The following PCDH17 variants were observed in gnomAD, a reference collection of about 807,000 sequenced individuals.
PCDH17 encodes protocadherin-17.
PCDH17 carries 21 observed loss-of-function variants against 67.7 expected under a neutral mutation model. The observed-to-expected ratio is 0.31, with a 90% CI of 0.22 to 0.45. PCDH17 has a LOEUF of 0.45. Ranked by LOEUF, PCDH17 falls within the 20% of genes least tolerant of loss-of-function variation. The pLI, the probability that PCDH17 is intolerant of heterozygous loss-of-function variation, is 1.00. For synonymous variants in PCDH17, 701 were observed against 656.7 expected (o/e 1.07, Z -1.03); for missense variants, 1,471 against 1,564.8 (o/e 0.94, Z 1.01).
chr13:57,697,578 G>T (rs1369660460), intron 3 of PCDH17, among the ~76,000 whole-genome samples: 1 of 150,870 alleles, frequency 6.6e-6, no homozygotes, highest in Non-Finnish European at 1.5e-5. Flanking sequence ...ACTACCAAAA[G>T]TTAAACTGTG....
intron 3 of PCDH17, among the ~76,000 whole-genome samples, chr13:57,679,625 G>T (rs1371689978): frequency 6.6e-6 from 1 of 151,304 alleles, no homozygotes; most frequent in Non-Finnish European, 1.5e-5. Flanking sequence ...TTTCTTTGAG[G>T]ATTTGAAAAT....
At chr13:57,693,777 CTCT>C (rs2138065493) in intron 3 of PCDH17, among the ~76,000 whole-genome samples, 1 of 150,938 alleles carries the variant, frequency 6.6e-6, no homozygotes, top group Non-Finnish European at 1.5e-5. Flanking sequence ...ATTTTATAAT[CTCT>C]TCTTTTCTTT....
rs565744215 is a variant in PCDH17 at position 57,703,967 on chromosome 13, A to G, written c.2798-20645A>G. Among the ~76,000 whole-genome samples, 275 of 152,236 alleles carry G rather than the reference A, an allele frequency of 1.8e-3. 1 individual carries two copies. Among genetic ancestry groups the G allele is most frequent in the African/African-American group, 6.1e-3 (253 of 41,568 alleles). ...CTACCAGTGATGTTTGTTTTCTGTC[A>G]TAATCAGAATGTTGACTTATCCTTT... On this transcript the variant is annotated intron_variant, in intron 3 of 3. Transcript: ENST00000377918.
Position 57,724,651 on chromosome 13 carries a change from T to A in PCDH17, c.2837T>A (p.Val946Glu). 1 of 1,613,960 alleles carries A rather than the reference T, an allele frequency of 6.2e-7. No homozygotes were observed. Among genetic ancestry groups the A allele is most frequent in the Non-Finnish European group, 8.5e-7 (1 of 1,179,920 alleles). The change falls in exon 4 of 4, where the codon GTG becomes GAG. Residue 946 changes from valine (V) to glutamate (E), a missense_variant. Coordinates refer to ENST00000377918, the MANE Select transcript of PCDH17 (RefSeq NM_001040429.3). ...GTTAATTGCACAGATGAATGCCGAG[T>A]GCTTGGTCATTCTGACAGGTGCTGG... ...ECVNCTDECR[V>E]LGHSDRCWMP...
chr13:57,657,725 GACAA>G (rs529194172), intron 1 of PCDH17, among the ~76,000 whole-genome samples: 63 of 152,304 alleles, frequency 4.1e-4, no homozygotes, highest in African/African-American at 1.5e-3. Context: ...TATCAAGGTA[GACAA>G]ACAAACTTCT....
chr13:57,680,319 G>A (rs1200294299), intron 3 of PCDH17, among the ~76,000 whole-genome samples: 1 of 151,532 alleles, frequency 6.6e-6, no homozygotes, highest in Non-Finnish European at 1.5e-5. Flanking sequence ...AGTGAATTGA[G>A]TGTTTAAAGG....
At chr13:57,651,934 A>ATT (rs1955045886) in intron 1 of PCDH17, among the ~76,000 whole-genome samples, 1 of 152,202 alleles carries the variant, frequency 6.6e-6, no homozygotes, top group Non-Finnish European at 1.5e-5. Context: ...TAAAAACAAT[A>ATT]TTTCACTTGG....
chr13:57,710,769 G>A (rs1291720636), intron 3 of PCDH17, among the ~76,000 whole-genome samples: 1 of 151,900 alleles, frequency 6.6e-6, no homozygotes, highest in Non-Finnish European at 1.5e-5. Context: ...GTATATTATA[G>A]TAATCTAAGA....
intron 3 of PCDH17, among the ~76,000 whole-genome samples, chr13:57,708,556 G>A (rs1955742303): frequency 6.6e-6 from 1 of 151,860 alleles, no homozygotes; most frequent in Admixed American, 6.6e-5. Flanking sequence ...TCCATCTGTT[G>A]TGAGGGTATA....
intron 1 of PCDH17, among the ~76,000 whole-genome samples, chr13:57,640,944 C>T (rs896570763): frequency 6.6e-6 from 1 of 151,982 alleles, no homozygotes; most frequent in Admixed American, 6.6e-5. Context: ...CTCAGTGGTA[C>T]TTCTGTTTAA....
chr13:57,666,102 T>C (rs972519758), intron 1 of PCDH17, among the ~76,000 whole-genome samples: 1 of 152,170 alleles, frequency 6.6e-6, no homozygotes, highest in Non-Finnish European at 1.5e-5. Context: ...ATGAGTATTA[T>C]TAAATAATTC....
chr13:57,714,229 C>T (rs1447334364), intron 3 of PCDH17, among the ~76,000 whole-genome samples: 1 of 151,600 alleles, frequency 6.6e-6, no homozygotes, highest in African/African-American at 2.4e-5. Context: ...TTGCTTGTTT[C>T]TAGCAATGGA....
chr13:57,665,730 A>G (rs1049990933), intron 1 of PCDH17, among the ~76,000 whole-genome samples: 6 of 152,252 alleles, frequency 3.9e-5, no homozygotes, highest in Admixed American at 3.3e-4. Flanking sequence ...GCAGACCTCC[A>G]TGTCAGTTTG....
chr13:57,685,025 TA>T (rs1255969850), intron 3 of PCDH17, among the ~76,000 whole-genome samples: 3 of 151,956 alleles, frequency 2.0e-5, no homozygotes, highest in East Asian at 1.9e-4. Context: ...TGAATTACTT[TA>T]AAAAGAAGTC....
intron 3 of PCDH17, among the ~76,000 whole-genome samples, chr13:57,723,756 T>G (rs528525505): frequency 6.6e-6 from 1 of 152,344 alleles, no homozygotes; most frequent in East Asian, 1.9e-4. Flanking sequence ...TTAAGGATTT[T>G]TTTTCATATT....
At chr13:57,675,342 C>T (rs1457779477) in intron 3 of PCDH17, among the ~76,000 whole-genome samples, 1 of 151,880 alleles carries the variant, frequency 6.6e-6, no homozygotes, top group African/African-American at 2.4e-5. Context: ...AACAGGAAAG[C>T]TTTTAACTCA....
intron 3 of PCDH17, among the ~76,000 whole-genome samples, chr13:57,702,021 G>A (rs1014273127): frequency 2.6e-5 from 4 of 151,864 alleles, no homozygotes; most frequent in Admixed American, 6.6e-5. Flanking sequence ...AGGTTCAAGC[G>A]ATTCTTCTGC....
At chr13:57,648,666 C>G (rs1954997366) in intron 1 of PCDH17, among the ~76,000 whole-genome samples, 1 of 151,934 alleles carries the variant, frequency 6.6e-6, no homozygotes, top group African/African-American at 2.4e-5. Flanking sequence ...AGGGACTGCT[C>G]AAGCTTTTAT....
chr13:57,694,540 T>A (rs1955588980), intron 3 of PCDH17, among the ~76,000 whole-genome samples: 1 of 151,308 alleles, frequency 6.6e-6, no homozygotes, highest in Non-Finnish European at 1.5e-5. Context: ...AAAGGAAATT[T>A]GAACCTTCAA....
Sources: gnomAD v4.1 joint callset for allele counts (sites outside exome capture counted in the v4.1 genomes callset) on GRCh38, gnomAD v4.1.1 for gene constraint, MANE v1.5 for transcripts, NCBI Gene and HGNC (gene_info 2026-07-23, HGNC 2026-07-21) for gene names.